The following TUBB3 variants were observed in gnomAD, a reference collection of about 807,000 sequenced individuals.
TUBB3 encodes tubulin beta-3 chain.
Under a neutral mutation model 37.8 loss-of-function variants are expected in TUBB3, and 17 were observed. The observed-to-expected ratio is 0.45, with a 90% CI of 0.31 to 0.67. The LOEUF (loss-of-function observed/expected upper bound fraction) is 0.67. Among genes scored for constraint, TUBB3 ranks in the 30% least tolerant of loss-of-function variants. The pLI, the probability that TUBB3 is intolerant of heterozygous loss-of-function variation, is 0.07. For synonymous variants in TUBB3, 332 were observed against 278.9 expected (o/e 1.19, Z -1.90); for missense variants, 262 against 657.9 (o/e 0.40, Z 6.58).
At chr16:89,922,666 G>A (rs1337932318), upstream of TUBB3, 1 of 152,250 alleles carries the variant, frequency 6.6e-6, no homozygotes, top group Admixed American at 6.5e-5. Flanking sequence ...GGCCCACAAA[G>A]CTCCTTTGGA....
intron 1 of TUBB3, among the ~76,000 whole-genome samples, chr16:89,927,453 A>G (rs1441805918): frequency 3.9e-5 from 6 of 152,140 alleles, no homozygotes; most frequent in African/African-American, 1.2e-4. Context: ...TTTAACTACA[A>G]AAGCAATTAA....
chr16:89,923,329 G>T, upstream of TUBB3: 1 of 1,287,536 alleles, frequency 7.8e-7, no homozygotes, highest in East Asian at 3.4e-5. Context: ...GCGCGCGGCC[G>T]CGGTCCCCGA....
rs774887205 is a variant in TUBB3 at position 89,934,709 on chromosome 16, C to G, written c.278-20C>G. 9.9e-6 allele frequency: 16 copies of G among 1,612,446 alleles called. No individual in the cohort carries two copies. The South Asian group carries it at 1.8e-4, about 18-fold the overall frequency. ...CAGAGTCCCTGGCCCCTGTCTCTTA[C>G]CCCTCTTCTCCCTGTACAGGTCAGA... On this transcript the variant is annotated intron_variant, in intron 3 of 3. Coordinates refer to ENST00000315491, the MANE Select transcript of TUBB3 (RefSeq NM_006086.4).
At chr16:89,933,851 G>A (rs149905826) in intron 3 of TUBB3, 26 of 694,232 alleles carry the variant, frequency 3.7e-5, no homozygotes, top group East Asian at 3.0e-4. Flanking sequence ...GAGACAGAAC[G>A]GGGCCTCCAG....
chr16:89,924,187 C>T (rs1169437947), intron 1 of TUBB3, among the ~76,000 whole-genome samples: 1 of 152,224 alleles, frequency 6.6e-6, no homozygotes, highest in Non-Finnish European at 1.5e-5. Context: ...CGCGCCCCTC[C>T]CTCCATTGTT....
chr16:89,926,043 C>T (rs1567761216), intron 1 of TUBB3, among the ~76,000 whole-genome samples: 1 of 150,744 alleles, frequency 6.6e-6, no homozygotes, highest in Non-Finnish European at 1.5e-5. Context: ...GCAGTCACCC[C>T]GGGGGGGGCA....
chr16:89,923,423 C>T lies in TUBB3; in HGVS notation c.22C>T (p.Gln8Ter). MREIVHI[Q>*]AGQCGNQIGA... ...CAGTATGAGGGAGATCGTGCACATC[C>T]AGGCCGGCCAGTGCGGCAACCAGAT... is the stretch of plus-strand genomic sequence containing the variant. Residue 8 changes from glutamine to a stop codon, truncating the protein, a stop_gained, in exon 1 of 4, where the codon CAG becomes TAG. Transcript: ENST00000315491. LOFTEE classifies it high-confidence loss of function. 1 of 1,512,530 alleles carries T rather than the reference C, an allele frequency of 6.6e-7. No individual in the cohort carries two copies. Among genetic ancestry groups the T allele is most frequent in the Non-Finnish European group, 8.8e-7 (1 of 1,129,990 alleles). The allele number at this position is 1,512,530 out of a possible 1,614,324, so 93.7% of individuals were successfully genotyped here. A position where few individuals can be genotyped will look rare whatever the true frequency, so the allele number is the denominator to read the frequency against.
At chr16:89,931,366 T>G (rs1296724616) in intron 1 of TUBB3, among the ~76,000 whole-genome samples, 3 of 152,228 alleles carry the variant, frequency 2.0e-5, no homozygotes, top group Admixed American at 6.5e-5. Flanking sequence ...TCAGCTCATC[T>G]AAAAGTCACT....
chr16:89,922,557 C>G (rs148478229), upstream of TUBB3: 1 of 152,298 alleles, frequency 6.6e-6, no homozygotes, highest in Non-Finnish European at 1.5e-5. Flanking sequence ...CACCCTCCCC[C>G]ACCCTGGCCG....
chr16:89,930,918 C>A (rs2030258120), intron 1 of TUBB3, among the ~76,000 whole-genome samples: 2 of 151,944 alleles, frequency 1.3e-5, no homozygotes. Flanking sequence ...AGCTCCACCT[C>A]CTGGGTTCAA....
At chr16:89,932,084 C>A (rs898959199) in intron 1 of TUBB3, 3 of 290,046 alleles carry the variant, frequency 1.0e-5, no homozygotes, top group Non-Finnish European at 2.1e-5. Flanking sequence ...ATGGTTTGCT[C>A]TCCCATGGAG....
At chr16:89,923,976 G>A (rs1434098268) in intron 1 of TUBB3, among the ~76,000 whole-genome samples, 1 of 152,124 alleles carries the variant, frequency 6.6e-6, no homozygotes. Context: ...ACCCCTCGGC[G>A]TCCTAGCTCC....
intron 1 of TUBB3, among the ~76,000 whole-genome samples, chr16:89,926,789 C>G (rs28441312): frequency 0.046 from 7,000 of 152,108 alleles, 425 homozygotes; most frequent in African/African-American, 0.13. Flanking sequence ...GCGATCTCGG[C>G]TCATTGCAAC....
intron 1 of TUBB3, among the ~76,000 whole-genome samples, chr16:89,930,293 T>C (rs150061898): frequency 4.3e-3 from 652 of 150,198 alleles, no homozygotes; most frequent in African/African-American, 0.015. Flanking sequence ...TTGGGAGAGA[T>C]GGAGTTTCAC....
intron 1 of TUBB3, among the ~76,000 whole-genome samples, chr16:89,929,050 C>A (rs990270518): frequency 2.0e-5 from 3 of 151,678 alleles, no homozygotes; most frequent in African/African-American, 7.3e-5. Context: ...GCAACCTCTG[C>A]CCCCTGGGTT....
chr16:89,928,561 G>A (rs1292501350), intron 1 of TUBB3, among the ~76,000 whole-genome samples: 1 of 145,502 alleles, frequency 6.9e-6, no homozygotes, highest in Non-Finnish European at 1.5e-5. Flanking sequence ...GTCTCTATCT[G>A]TTGCCCAGGC....
At chr16:89,925,663 G>A (rs984554741) in intron 1 of TUBB3, among the ~76,000 whole-genome samples, 1 of 152,120 alleles carries the variant, frequency 6.6e-6, no homozygotes, top group African/African-American at 2.4e-5. Context: ...TCTCGGGGGC[G>A]GGGGCGGCAA....
In TUBB3 at chr16:89,935,784, G is replaced by C; in HGVS notation, c.1333G>C (p.Glu445Gln). The change falls in exon 4 of 4, where the codon GAG (glutamate) becomes CAG (glutamine). Residue 445 changes from glutamate to glutamine, a missense_variant. By Grantham distance (29) the Glu-to-Gln change is conservative. Coordinates refer to ENST00000315491, the MANE Select transcript of TUBB3 (RefSeq NM_006086.4). ...GTACGAAGACGACGAGGAGGAGTCG[G>C]AGGCCCAGGGCCCCAAGTGAAGCTG... ...EMYEDDEEES[E>Q]AQGPK 1 of 1,613,524 alleles carries C rather than the reference G, an allele frequency of 6.2e-7. No homozygotes were observed. Among genetic ancestry groups the C allele is most frequent in the African/African-American group, 1.3e-5 (1 of 75,046 alleles).
intron 1 of TUBB3, among the ~76,000 whole-genome samples, chr16:89,930,231 A>G (rs2030235106): frequency 1.3e-5 from 2 of 150,848 alleles, no homozygotes; most frequent in Admixed American, 1.3e-4. Context: ...CAGCCTCTCG[A>G]GTAGCTGGGA....
Sources: gnomAD v4.1 joint callset for allele counts (sites outside exome capture counted in the v4.1 genomes callset) on GRCh38, gnomAD v4.1.1 for gene constraint, MANE v1.5 for transcripts, NCBI Gene and HGNC (gene_info 2026-07-23, HGNC 2026-07-21) for gene names.